PIK3R2: variants seen among roughly 807,000 people sequenced by gnomAD.
PIK3R2 encodes the protein phosphoinositide-3-kinase regulatory subunit 2, also known as phosphatidylinositol 3-kinase regulatory subunit beta.
In PIK3R2, 40 loss-of-function variants were observed where a neutral mutation model predicts 78.5. That is an observed-to-expected ratio of 0.51 (90% CI 0.40 to 0.66). The LOEUF is 0.66. PIK3R2 is among the 30% of genes least tolerant of loss of function. PIK3R2 has a pLI of 0.00. For synonymous variants in PIK3R2, 473 were observed against 457.7 expected, an observed-to-expected ratio of 1.03 and a Z score of -0.43; for missense variants, 880 against 1,026.6, an observed-to-expected ratio of 0.86 and a Z score of 1.95.
intron 2 of PIK3R2, among the ~76,000 whole-genome samples, chr19:18,159,144 C>CTTTTTTTT (rs57543686): frequency 1.4e-4 from 7 of 50,052 alleles, no homozygotes; most frequent in East Asian, 7.8e-4. Flanking sequence ...GCCTGGCCTC[C>CTTTTTTTT]TTTTTTTTTT....
intron 10 of PIK3R2, 57 bp from the exon 11 acceptor site, chr19:18,163,206 T>A: frequency 6.2e-7 from 1 of 1,613,778 alleles, no homozygotes; most frequent in Non-Finnish European, 8.5e-7. Context: ...GGCCTCAGTT[T>A]CCTAGGTAGA....
At chr19:18,154,492 C>T (rs1002864368) in intron 1 of PIK3R2, among the ~76,000 whole-genome samples, 7 of 152,218 alleles carry the variant, frequency 4.6e-5, no homozygotes, top group African/African-American at 1.4e-4. Flanking sequence ...TTTGCTTGGA[C>T]TCACCTCGAG....
chr19:18,157,994 C>A (rs989519545), intron 2 of PIK3R2, among the ~76,000 whole-genome samples: 1 of 152,186 alleles, frequency 6.6e-6, no homozygotes, highest in Non-Finnish European at 1.5e-5. Context: ...CCGCCGGCAC[C>A]CGCTAGGAGG....
rs2147945126 is a variant in PIK3R2, at chr19:18,156,070, C to T, written c.191C>T (p.Thr64Ile). 1 of 1,563,186 alleles carries T rather than the reference C, an allele frequency of 6.4e-7. No homozygotes were observed. The highest frequency in any genetic ancestry group is 8.7e-7 in the Non-Finnish European group (1 of 1,154,688). ...TGGATGCCCGGCCTCAACGAGCGCACACGGCAGCGAGGTGACTTCCCTGGC... is the reference window on the plus strand; with the variant it reads ...TGGATGCCCGGCCTCAACGAGCGCATACGGCAGCGAGGTGACTTCCCTGGC... ...VGWMPGLNER[T>I]RQRGDFPGTY... Residue 64 changes from threonine to isoleucine, a missense_variant, in exon 2 of 16, where the codon ACA (threonine) becomes ATA (isoleucine). Physicochemically the swap from Thr to Ile is moderately conservative, Grantham distance 89 (BLOSUM62 -1). Coordinates refer to ENST00000222254, the MANE Select transcript of PIK3R2 (RefSeq NM_005027.4). The surrounding 1 kb of genome is among the most constrained non-coding windows in gnomAD (Gnocchi z 4.2).
At chr19:18,163,462 AC>A in intron 11 of PIK3R2, 74 bp downstream of exon 11, 2 of 1,514,274 alleles carry the variant, frequency 1.3e-6, no homozygotes, top group Non-Finnish European at 1.8e-6. Context: ...AGGATGACCA[AC>A]CCCAGAGGAC....
At chr19:18,166,333 C>G in intron 12 of PIK3R2, 31 bp downstream of exon 12, 1 of 1,585,368 alleles carries the variant, frequency 6.3e-7, no homozygotes, top group Non-Finnish European at 8.7e-7. Flanking sequence ...CTGCCCCACC[C>G]CACCCTGATC....
Position 18,161,185 on chromosome 19 carries a change from G to A in PIK3R2, c.598G>A (p.Glu200Lys). 6.5e-7 allele frequency: 1 copy of A among 1,545,508 alleles called. No homozygotes were observed. The highest frequency in any genetic ancestry group is 1.2e-5 in the South Asian group (1 of 83,874). Residue 200 changes from glutamate (E) to lysine (K), a missense_variant and splice_region_variant, in exon 5 of 16, where the codon GAG becomes AAG. This residue lies in a region of PIK3R2 where 456 missense variants were observed against 486.6 expected (regional missense o/e 0.94). Coordinates refer to ENST00000222254, the MANE Select transcript of PIK3R2 (RefSeq NM_005027.4). This position sits in a 1 kb window ranked among gnomAD's most constrained non-coding sequence, Gnocchi z 5.3. ...GGCCGAGGCGCGCCGGGCCCTGCGGGGTGAGCCTGGCGGGTAGCCCGGGGG... is the reference window on the plus strand; with the variant it reads ...GGCCGAGGCGCGCCGGGCCCTGCGGAGTGAGCCTGGCGGGTAGCCCGGGGG... ...ASAEARRALR[E>K]AAGPVGPALE...
chr19:18,158,278 C>A (rs1003670453), intron 2 of PIK3R2, among the ~76,000 whole-genome samples: 15 of 152,094 alleles, frequency 9.9e-5, no homozygotes, highest in African/African-American at 3.6e-4. Flanking sequence ...CACTTGAGGT[C>A]AGGAGTTCAA....
chr19:18,153,479 C>T (rs547624750), intron 1 of PIK3R2, among the ~76,000 whole-genome samples, 185 bp downstream of exon 1: 1 of 152,318 alleles, frequency 6.6e-6, no homozygotes, highest in African/African-American at 2.4e-5. Flanking sequence ...GCGGTGCAGC[C>T]TCCTTGGGAC....
At position 18,161,258 on chromosome 19, in the gene PIK3R2, G is replaced by T; in HGVS notation, c.599-21G>T. ...GGAGGGCCCAGGCCTGGCTCACCCT[G>T]CCCTGGCCATCTGTCCGCAGAGGCC... is the stretch of plus-strand genomic sequence containing the variant. On this transcript the variant is annotated intron_variant, in intron 5 of 15. Coordinates refer to ENST00000222254, the MANE Select transcript of PIK3R2 (RefSeq NM_005027.4). This position sits in a 1 kb window ranked among gnomAD's most constrained non-coding sequence, Gnocchi z 5.3. 6.9e-7 allele frequency: 1 copy of T among 1,447,272 alleles called. No homozygotes were observed. Among genetic ancestry groups the T allele is most frequent in the South Asian group, 1.4e-5 (1 of 70,466 alleles). The allele number at this position is 1,447,272 out of a possible 1,614,324, so 89.7% of individuals were successfully genotyped here.
In PIK3R2 at chr19:18,169,082, C is replaced by G. The variant is rs771103459; in HGVS notation, c.1980-5C>G. ...TCCGACTCCCCCTCTCGTCTGCCCC[C>G]ACAGAGTGGACGGCGACACCAAGCA... is the stretch of plus-strand genomic sequence containing the variant. On this transcript the variant is annotated splice_polypyrimidine_tract_variant and splice_region_variant and intron_variant, in intron 15 of 15. Coordinates refer to ENST00000222254, the MANE Select transcript of PIK3R2 (RefSeq NM_005027.4). 6.2e-7 allele frequency: 1 copy of G among 1,609,252 alleles called. No individual in the cohort carries two copies. Among genetic ancestry groups the G allele is most frequent in the East Asian group, 2.2e-5 (1 of 44,826 alleles).
At chr19:18,154,819 GT>G (rs5827399) in intron 1 of PIK3R2, among the ~76,000 whole-genome samples, 51,393 of 151,136 alleles carry the variant, frequency 0.34, 9,230 homozygotes, top group Middle Eastern at 0.41. Flanking sequence ...GCTCACACCT[GT>G]AATCCCAACA....
chr19:18,160,988 G>A lies in PIK3R2; in HGVS notation c.466+19G>A. The stretch of plus-strand genomic sequence containing the variant: ...CGTACAGGTGAAGGGGAGCCTCAAT[G>A]GGGTTGGGAGGAGGCTGGGGGCCCC... On this transcript the variant is annotated intron_variant, in intron 4 of 15. Coordinates refer to ENST00000222254, the MANE Select transcript of PIK3R2 (RefSeq NM_005027.4). 1.2e-6 allele frequency: 2 copies of A among 1,612,778 alleles called. No individual in the cohort carries two copies. Among genetic ancestry groups the A allele is most frequent in the Non-Finnish European group, 1.7e-6 (2 of 1,179,708 alleles).
rs1371744586 is a variant in PIK3R2 at position 18,161,660 on chromosome 19, G to A, written c.815+165G>A. 2.0e-5 allele frequency among the ~76,000 whole-genome samples: 3 copies of A among 152,202 alleles called. No homozygotes were observed. Among genetic ancestry groups the A allele is most frequent in the Admixed American group, 6.5e-5 (1 of 15,282 alleles). ...ACGGAGCGGAGACCTGGGCTCCTGA[G>A]TCGTGGGACAGAAGGTGAAGGGGCC... is the stretch of plus-strand genomic sequence containing the variant. On this transcript the variant is annotated intron_variant, in intron 6 of 15. Transcript: ENST00000222254. This position sits in a 1 kb window ranked among gnomAD's most constrained non-coding sequence, Gnocchi z 5.3.
Position 18,161,288 on chromosome 19 carries a change from G to A in PIK3R2, c.608G>A (p.Gly203Glu). Reference protein sequence around the residue: ...EARRALREAAGPVGPALEPPT... With the variant: ...EARRALREAAEPVGPALEPPT... ...GGCCATCTGTCCGCAGAGGCCGCGGGGCCCGTGGGGCCGGCGCTGGAGCCA... is the reference window on the plus strand; with the variant it reads ...GGCCATCTGTCCGCAGAGGCCGCGGAGCCCGTGGGGCCGGCGCTGGAGCCA... The change falls in exon 6 of 16, where the codon GGG (glycine) becomes GAG (glutamate). Residue 203 changes from glycine to glutamate, a missense_variant. Gly to Glu is a moderately conservative substitution (Grantham distance 98). Coordinates refer to ENST00000222254, the MANE Select transcript of PIK3R2 (RefSeq NM_005027.4). This position sits in a 1 kb window ranked among gnomAD's most constrained non-coding sequence, Gnocchi z 5.3. 3 of 1,387,922 alleles carry A rather than the reference G, an allele frequency of 2.2e-6. No homozygotes were observed. Among genetic ancestry groups the A allele is most frequent in the Non-Finnish European group, 2.8e-6 (3 of 1,079,052 alleles). 86.0% of individuals were successfully genotyped at this position (1,387,922 alleles called of 1,614,324 possible).
chr19:18,162,438 TC>T lies in PIK3R2; in HGVS notation c.1044del (p.Asp349MetfsTer5). On this transcript the variant is annotated frameshift_variant, in exon 9 of 16. Coordinates refer to ENST00000222254, the MANE Select transcript of PIK3R2 (RefSeq NM_005027.4). LOFTEE classifies it high-confidence loss of function. ...EEVNEKLRDT[P>X]DGTFLVRDAS... The stretch of plus-strand genomic sequence containing the variant: ...AGGTGAACGAGAAACTCCGGGACAC[TC>T]CCGATGGCACCTTCCTAGTCCGAGA... The T allele has an allele frequency of 6.2e-7, 1 of 1,613,520 alleles. No individual in the cohort carries two copies. Among genetic ancestry groups the T allele is most frequent in the Non-Finnish European group, 8.5e-7 (1 of 1,179,976 alleles).
chr19:18,154,761 A>T (rs953884001), intron 1 of PIK3R2, among the ~76,000 whole-genome samples: 1 of 151,564 alleles, frequency 6.6e-6, no homozygotes, highest in Admixed American at 6.6e-5. Flanking sequence ...CAGTTTCCCC[A>T]TCTGTAACAG....
In PIK3R2 at chr19:18,167,738, G is replaced by A. The variant is rs561533960; in HGVS notation, c.1736+432G>A. Among the ~76,000 whole-genome samples the A allele has an allele frequency of 3.3e-5, 5 of 152,046 alleles. No homozygotes were observed. The highest frequency in any genetic ancestry group is 6.6e-5 in the Admixed American group (1 of 15,250). On this transcript the variant is annotated intron_variant, in intron 13 of 15. Transcript: ENST00000222254. This position sits in a 1 kb window ranked among gnomAD's most constrained non-coding sequence, Gnocchi z 4.5. ...AACCCGGCCAGGCATGGTGGTGGGC[G>A]CCTGTAATCCCAGTTACTCAAGAGG...
intron 3 of PIK3R2, 31 bp from the exon 4 acceptor site, chr19:18,160,888 G>A (rs2043734373): frequency 1.3e-6 from 2 of 1,593,276 alleles, no homozygotes; most frequent in Admixed American, 1.7e-5. Flanking sequence ...CAGCATTTGA[G>A]AGCTGACTCG....
Sources: allele counts gnomAD v4.1 joint callset (sites outside exome capture counted in the v4.1 genomes callset), GRCh38; gene constraint gnomAD v4.1.1; regional missense constraint gnomAD v4.1.1; non-coding constraint Gnocchi (gnomAD v3.1); transcripts MANE v1.5; gene names NCBI Gene and HGNC (gene_info 2026-07-23, HGNC 2026-07-21).